ADGRV1: variants seen among roughly 807,000 people sequenced by gnomAD.
ADGRV1 encodes the protein G-protein coupled receptor 98.
Under a neutral mutation model 596.2 loss-of-function variants are expected in ADGRV1, and 359 were observed. The ratio of observed to expected loss-of-function variants is 0.60; its 90% CI spans 0.55 to 0.66. ADGRV1 has a LOEUF of 0.66. ADGRV1 is among the 30% of genes least tolerant of loss of function. The pLI is 0.00. For missense variants in ADGRV1, 7,274 were observed against 7,575.6 expected, an observed-to-expected ratio of 0.96 and a Z score of 1.48; for synonymous variants, 2,681 against 2,679.2, an observed-to-expected ratio of 1.00 and a Z score of -0.02.
intron 1 of ADGRV1, among the ~76,000 whole-genome samples, chr5:90,571,398 G>A (rs1330358163): frequency 6.6e-6 from 1 of 152,054 alleles, no homozygotes; most frequent in East Asian, 1.9e-4. Flanking sequence ...CATGTGCACA[G>A]CCTTATACTT....
In ADGRV1 at chr5:90,915,415, T is replaced by C. The variant is rs374344307; in HGVS notation, c.17857-50000T>C. ...AGTGGCTGTTTAATCCCCCTGACTT[T>C]AGTATTACTTATTAATCTCTGTGTC... On this transcript the variant is annotated intron_variant, in intron 83 of 89. Transcript: ENST00000405460. Among the ~76,000 whole-genome samples, 40 of 152,332 alleles carry C rather than the reference T, an allele frequency of 2.6e-4. 1 individual carries two copies. The highest frequency in any genetic ancestry group is 3.4e-3 in the Middle Eastern group (1 of 294).
Position 90,653,674 on chromosome 5 carries a change from C to T in ADGRV1, c.4100C>T (p.Thr1367Met), listed in dbSNP as rs1271079102. The T allele has an allele frequency of 5.6e-6, 9 of 1,613,124 alleles. No individual in the cohort carries two copies. Among genetic ancestry groups the T allele is most frequent in the East Asian group, 4.5e-5 (2 of 44,880 alleles). The stretch of plus-strand genomic sequence containing the variant: ...GCTTGGGTAATGCCCAATGCCAATA[C>T]GAATGGATTCATTATAGCGAAGGAT... ...FSAWVMPNAN[T>M]NGFIIAKDDG... The change falls in exon 20 of 90, where the codon ACG becomes ATG. Residue 1367 changes from threonine to methionine, a missense_variant. Physicochemically the swap from Thr to Met is moderately conservative, Grantham distance 81 (BLOSUM62 -1). This residue lies in a region of ADGRV1 where 1,715 missense variants were observed against 1,708.8 expected (regional missense o/e 1.00). Coordinates refer to ENST00000405460, the MANE Select transcript of ADGRV1 (RefSeq NM_032119.4).
chr5:90,663,179 A>G (rs932680676), intron 21 of ADGRV1, among the ~76,000 whole-genome samples: 40 of 148,768 alleles, frequency 2.7e-4, no homozygotes, highest in African/African-American at 1.0e-3. Flanking sequence ...TCCCTGAGGA[A>G]TCATCACACT....
intron 85 of ADGRV1, among the ~76,000 whole-genome samples, chr5:91,037,781 CAG>C (rs1785030427): frequency 6.6e-6 from 1 of 152,156 alleles, no homozygotes; most frequent in South Asian, 2.1e-4. Flanking sequence ...GCCTAACAGA[CAG>C]AGTAAAGTTG....
In ADGRV1 at chr5:90,811,306, G is replaced by A; in HGVS notation, c.16046G>A (p.Gly5349Glu). 6.2e-7 allele frequency: 1 copy of A among 1,608,284 alleles called. No homozygotes were observed. The highest frequency in any genetic ancestry group is 1.1e-5 in the South Asian group (1 of 89,700). The change falls in exon 74 of 90, where the codon GGA becomes GAA. Residue 5349 changes from glycine (G) to glutamate (E), a missense_variant. Coordinates refer to ENST00000405460, the MANE Select transcript of ADGRV1 (RefSeq NM_032119.4). ...AQIVEEKDDTGFAAFAMVIIT... is the reference protein window; with the variant it reads ...AQIVEEKDDTEFAAFAMVIIT... ...ATTGTGGAGGAGAAGGATGATACTG[G>A]ATTTGCAGCTTTTGCCATGGTTATT...
At chr5:90,883,692 C>T (rs1770010249) in intron 83 of ADGRV1, among the ~76,000 whole-genome samples, 1 of 152,154 alleles carries the variant, frequency 6.6e-6, no homozygotes, top group South Asian at 2.1e-4. Flanking sequence ...ACCCCCATTT[C>T]CTAACTCCCC....
intron 87 of ADGRV1, among the ~76,000 whole-genome samples, chr5:91,121,033 G>C (rs1025718822): frequency 6.6e-6 from 1 of 152,080 alleles, no homozygotes; most frequent in Non-Finnish European, 1.5e-5. Flanking sequence ...AATTAGCCTG[G>C]CATGGTAGCA....
chr5:91,013,830 A>G (rs1258615306), intron 85 of ADGRV1, among the ~76,000 whole-genome samples: 2 of 151,822 alleles, frequency 1.3e-5, no homozygotes, highest in South Asian at 4.2e-4. Context: ...CAGGGATTTT[A>G]TAGTTTTGGG....
intron 79 of ADGRV1, among the ~76,000 whole-genome samples, chr5:90,850,147 A>T (rs776253122): frequency 6.6e-6 from 1 of 152,156 alleles, no homozygotes; most frequent in Non-Finnish European, 1.5e-5. Context: ...GATTGTAACC[A>T]CCTACTTCAT....
intron 86 of ADGRV1, among the ~76,000 whole-genome samples, chr5:91,083,207 C>T (rs577977125): frequency 2.2e-5 from 3 of 133,808 alleles, no homozygotes; most frequent in Admixed American, 9.3e-5. Flanking sequence ...CACTTGGACA[C>T]AGGAAGGGGG....
In ADGRV1 at chr5:90,810,841, C is replaced by T. The variant is rs751898613; in HGVS notation, c.15581C>T (p.Thr5194Ile). The T allele has an allele frequency of 9.9e-6, 16 of 1,613,932 alleles. No individual in the cohort carries two copies. Among genetic ancestry groups the T allele is most frequent in the African/African-American group, 2.7e-5 (2 of 74,932 alleles). Residue 5194 changes from threonine (T) to isoleucine (I), a missense_variant, in exon 74 of 90, where the codon ACC becomes ATC. Thr to Ile is a moderately conservative substitution (Grantham distance 89, BLOSUM62 -1). Around this residue, in one of 5 missense-constraint regions of ADGRV1, gnomAD observed 1,874 missense variants for 1,970.2 expected, o/e 0.95. Transcript: ENST00000405460. ...GVSAIPEKLV[T>I]LHGTPAVSEK... ...TCTGCCATCCCTGAGAAACTTGTCA[C>T]CCTTCATGGCACACCTGCTGTGTCT...
chr5:90,643,422 T>C (rs760966264), intron 13 of ADGRV1, among the ~76,000 whole-genome samples: 1 of 152,184 alleles, frequency 6.6e-6, no homozygotes. Flanking sequence ...AAAAAGAAAT[T>C]TGAGTTTTAT....
At chr5:90,748,326 T>C (rs537835686) in intron 52 of ADGRV1, among the ~76,000 whole-genome samples, 11 of 152,222 alleles carry the variant, frequency 7.2e-5, no homozygotes, top group Non-Finnish European at 1.5e-4. Flanking sequence ...TTAAGTTTCC[T>C]AGCAGCCTAC....
rs905134667 is a variant in ADGRV1 at position 90,704,384 on chromosome 5, CAT to C, written c.8287-3_8287-2del. On this transcript the variant is annotated splice_polypyrimidine_tract_variant and splice_region_variant and intron_variant, in intron 35 of 89. Coordinates refer to ENST00000405460, the MANE Select transcript of ADGRV1 (RefSeq NM_032119.4). Reference sequence around the variant, plus strand: ...GCGGGATTGATTTCTTTCTGTATGACATAGGGGTCGTTGAATACAACATTGTT... The same window carrying C: ...GCGGGATTGATTTCTTTCTGTATGACAGGGGTCGTTGAATACAACATTGTT... The C allele has an allele frequency of 6.5e-7, 1 of 1,540,900 alleles. No homozygotes were observed. Among genetic ancestry groups the C allele is most frequent in the African/African-American group, 1.4e-5 (1 of 73,458 alleles).
At chr5:90,720,005 A>T in intron 43 of ADGRV1, 43 bp from the exon 44 acceptor site, 1 of 1,521,672 alleles carries the variant, frequency 6.6e-7, no homozygotes, top group Non-Finnish European at 9.1e-7. Flanking sequence ...GTGTTACAAA[A>T]ATACTGTATT....
At chr5:91,020,001 C>G (rs937920) in intron 85 of ADGRV1, among the ~76,000 whole-genome samples, 50,039 of 151,764 alleles carry the variant, frequency 0.33, 8,681 homozygotes, top group East Asian at 0.49. Flanking sequence ...CCTGTCAAAG[C>G]CTTAGTGATT....
chr5:90,849,236 G>T (rs1007526455), intron 79 of ADGRV1, among the ~76,000 whole-genome samples: 1 of 152,094 alleles, frequency 6.6e-6, no homozygotes, highest in Non-Finnish European at 1.5e-5. Context: ...TCAGACTGTT[G>T]TTGAACTTCA....
intron 29 of ADGRV1, 28 bp downstream of exon 29, chr5:90,686,023 C>G: frequency 6.9e-7 from 1 of 1,441,044 alleles, no homozygotes. Context: ...AAAAGCAGTA[C>G]ATACAGAGGG....
intron 4 of ADGRV1, among the ~76,000 whole-genome samples, chr5:90,620,451 T>C (rs535907588): frequency 1.3e-5 from 2 of 152,334 alleles, no homozygotes; most frequent in African/African-American, 4.8e-5. Flanking sequence ...TGGAGTATTT[T>C]TTTTCTTGTA....
Sources: gnomAD v4.1 joint callset for allele counts (sites outside exome capture counted in the v4.1 genomes callset) on GRCh38, gnomAD v4.1.1 for gene constraint, gnomAD v4.1.1 regional missense constraint, MANE v1.5 for transcripts, NCBI Gene and HGNC (gene_info 2026-07-23, HGNC 2026-07-21) for gene names.